MLLT3: variants seen among roughly 807,000 people sequenced by gnomAD.
The protein encoded by MLLT3 is protein AF-9.
In MLLT3, 4 loss-of-function variants were observed where a neutral mutation model predicts 53.2. The observed-to-expected ratio is 0.08, with a 90% CI of 0.04 to 0.17. The LOEUF (loss-of-function observed/expected upper bound fraction) is 0.17. Among genes scored for constraint, MLLT3 ranks in the 10% least tolerant of loss-of-function variants. The pLI is 1.00. For missense variants in MLLT3, 569 were observed against 684.0 expected, an observed-to-expected ratio of 0.83 and a Z score of 1.87; for synonymous variants, 283 against 230.6, an observed-to-expected ratio of 1.23 and a Z score of -2.06.
rs192705558 is a variant in MLLT3, at chr9:20,556,274, T to G, written c.193+64380A>C. 1.8e-3 allele frequency among the ~76,000 whole-genome samples: 281 copies of G among 152,332 alleles called. 2 individuals are homozygous for G. Among genetic ancestry groups the G allele is most frequent in the African/African-American group, 6.5e-3 (269 of 41,566 alleles). Reference sequence around the variant, plus strand: ...ATACAATTACTTCTGGATTAAATAATCCTTGAGGCATAGGATATTTTTAAT... The same window carrying G: ...ATACAATTACTTCTGGATTAAATAAGCCTTGAGGCATAGGATATTTTTAAT... On this transcript the variant is annotated intron_variant, in intron 2 of 10. Transcript: ENST00000380338.
rs1322684216 is a variant in MLLT3 at position 20,621,316 on chromosome 9, G to C, written c.13-482C>G. Among the ~76,000 whole-genome samples the C allele has an allele frequency of 6.6e-6, 1 of 152,166 alleles. No individual in the cohort carries two copies. The highest frequency in any genetic ancestry group is 1.5e-5 in the Non-Finnish European group (1 of 68,022). Reference sequence around the variant, plus strand: ...GCCGAGGAAGTCTTTGTGTACGTGTGTGTGCGTGCGTGTGGAGCGCTGTGC... The same window carrying C: ...GCCGAGGAAGTCTTTGTGTACGTGTCTGTGCGTGCGTGTGGAGCGCTGTGC... On this transcript the variant is annotated intron_variant, in intron 1 of 10. Transcript: ENST00000380338. This position sits in a 1 kb window ranked among gnomAD's most constrained non-coding sequence, Gnocchi z 7.0.
intron 2 of MLLT3, among the ~76,000 whole-genome samples, chr9:20,529,628 GT>G (rs1265632216): frequency 2.0e-5 from 3 of 149,600 alleles, no homozygotes; most frequent in African/African-American, 7.4e-5. Flanking sequence ...TATACTTGCT[GT>G]TTCATGATTT....
At chr9:20,391,972 A>G (rs1334392585) in intron 5 of MLLT3, among the ~76,000 whole-genome samples, 1 of 152,242 alleles carries the variant, frequency 6.6e-6, no homozygotes, top group African/African-American at 2.4e-5. Context: ...AAAGAAAAAG[A>G]CAAAACTATA....
At chr9:20,559,866 T>C (rs1587069157) in intron 2 of MLLT3, among the ~76,000 whole-genome samples, 1 of 152,212 alleles carries the variant, frequency 6.6e-6, no homozygotes, top group African/African-American at 2.4e-5. Flanking sequence ...AAGGATTTTG[T>C]AGCAGCAAGA....
At chr9:20,444,195 T>C (rs1823631257) in intron 4 of MLLT3, among the ~76,000 whole-genome samples, 2 of 152,294 alleles carry the variant, frequency 1.3e-5, no homozygotes, top group South Asian at 4.1e-4. Flanking sequence ...TTATCTGTCG[T>C]GATCATAAGC....
chr9:20,525,399 C>T (rs956103582), intron 2 of MLLT3, among the ~76,000 whole-genome samples: 2 of 152,036 alleles, frequency 1.3e-5, no homozygotes, highest in African/African-American at 2.4e-5. Context: ...GGTAGGCTGA[C>T]GCATGAGAAT....
chr9:20,414,636 A>C (rs952989849), intron 4 of MLLT3, among the ~76,000 whole-genome samples: 2 of 152,176 alleles, frequency 1.3e-5, no homozygotes, highest in Admixed American at 1.3e-4. Flanking sequence ...CAAATAATTT[A>C]ATGAGGAAAG....
intron 2 of MLLT3, among the ~76,000 whole-genome samples, chr9:20,537,140 T>C (rs1403744535): frequency 6.6e-6 from 1 of 152,240 alleles, no homozygotes; most frequent in Non-Finnish European, 1.5e-5. Context: ...ACACTTACCT[T>C]TCTCTTAACT....
chr9:20,532,880 CA>C, intron 2 of MLLT3: 1 of 251,488 alleles, frequency 4.0e-6, no homozygotes, highest in South Asian at 5.7e-5. Flanking sequence ...CAAAGCAAGA[CA>C]AGAAGCAGAG....
intron 5 of MLLT3, among the ~76,000 whole-genome samples, chr9:20,383,658 T>G (rs1821959539): frequency 6.6e-6 from 1 of 151,936 alleles, no homozygotes; most frequent in Non-Finnish European, 1.5e-5. Context: ...AATATAAAAT[T>G]ATGATATTAA....
chr9:20,584,445 G>A (rs907570260), intron 2 of MLLT3, among the ~76,000 whole-genome samples: 2 of 152,072 alleles, frequency 1.3e-5, no homozygotes, highest in African/African-American at 4.8e-5. Context: ...CCAATTTACT[G>A]TATTAGTCCA....
rs1296359202 is a variant in MLLT3, at chr9:20,342,146, G to C, written c.*4297C>G. The C allele has an allele frequency of 4.6e-6, 1 of 215,768 alleles. No homozygotes were observed. Among genetic ancestry groups the C allele is most frequent in the Non-Finnish European group, 9.3e-6 (1 of 107,010 alleles). 13.4% of individuals were successfully genotyped at this position (215,768 alleles called of 1,614,324 possible). On this transcript the variant is annotated 3_prime_UTR_variant, in exon 11 of 11. Transcript: ENST00000380338. ...TAATTTTTCCTGTATGCAAAATAAA[G>C]CCAAACTTTGGTCAAATGACTCTCA...
intron 4 of MLLT3, among the ~76,000 whole-genome samples, chr9:20,444,305 C>G (rs1039476853): frequency 2.6e-5 from 4 of 152,242 alleles, no homozygotes; most frequent in Admixed American, 6.5e-5. Context: ...ATAGAAATAT[C>G]TCAGCAAATA....
chr9:20,449,330 C>G (rs1823784898), intron 3 of MLLT3, among the ~76,000 whole-genome samples: 2 of 152,242 alleles, frequency 1.3e-5, no homozygotes, highest in South Asian at 4.1e-4. Context: ...TGGAATTTTT[C>G]TGAATAAATA....
intron 4 of MLLT3, chr9:20,418,388 C>G (rs749900688): frequency 7.9e-5 from 12 of 152,230 alleles, no homozygotes; most frequent in Non-Finnish European, 1.8e-4. Flanking sequence ...CTAACTGAAA[C>G]TACGAATGGA....
chr9:20,543,757 G>A (rs1032681582), intron 2 of MLLT3, among the ~76,000 whole-genome samples: 6 of 151,084 alleles, frequency 4.0e-5, no homozygotes, highest in Non-Finnish European at 8.8e-5. Flanking sequence ...ATAAAAGGAA[G>A]GAAAAGGAGG....
intron 10 of MLLT3, among the ~76,000 whole-genome samples, chr9:20,350,460 T>C (rs1232186402): frequency 2.0e-5 from 3 of 150,804 alleles, no homozygotes; most frequent in African/African-American, 7.4e-5. Context: ...CCGGGCGTGG[T>C]GGCGGGCGCC....
intron 2 of MLLT3, among the ~76,000 whole-genome samples, chr9:20,567,304 T>TAAAAAAAAAAAAAA (rs35505450): frequency 3.8e-5 from 3 of 79,972 alleles, no homozygotes; most frequent in East Asian, 3.4e-4. Flanking sequence ...CTATATTCAG[T>TAAAAAAAAAAAAAA]AAAAAAAAAA....
chr9:20,439,476 T>C (rs1023214297), intron 4 of MLLT3, among the ~76,000 whole-genome samples: 1 of 151,702 alleles, frequency 6.6e-6, no homozygotes, highest in Non-Finnish European at 1.5e-5. Context: ...TTCTGTATTG[T>C]CAAAACCATG....
Sources: allele counts gnomAD v4.1 joint callset (sites outside exome capture counted in the v4.1 genomes callset), GRCh38; gene constraint gnomAD v4.1.1; non-coding constraint Gnocchi (gnomAD v3.1); transcripts MANE v1.5; gene names NCBI Gene and HGNC (gene_info 2026-07-23, HGNC 2026-07-21).